SVIL: variants seen among roughly 807,000 people sequenced by gnomAD.
The protein encoded by SVIL is archvillin.
Under a neutral mutation model 240.4 loss-of-function variants are expected in SVIL, and 101 were observed. The observed-to-expected ratio is 0.42, with a 90% CI of 0.36 to 0.50. The LOEUF (loss-of-function observed/expected upper bound fraction) is 0.50, where lower values mean the gene tolerates loss of function less well. SVIL is among the 20% of genes least tolerant of loss of function. The pLI is 0.01. For missense variants in SVIL, 2,512 were observed against 2,818.7 expected, an observed-to-expected ratio of 0.89 and a Z score of 2.46; for synonymous variants, 999 against 1,100.0, an observed-to-expected ratio of 0.91 and a Z score of 1.82.
chr10:29,609,767 C>T (rs958316341), intron 1 of SVIL, among the ~76,000 whole-genome samples: 4 of 152,212 alleles, frequency 2.6e-5, no homozygotes, highest in Non-Finnish European at 4.4e-5. Context: ...CAGCAGCCAG[C>T]GTGCCTGGCT....
At chr10:29,727,380 C>T (rs1198353805) in intron 1 of SVIL, among the ~76,000 whole-genome samples, 1 of 151,980 alleles carries the variant, frequency 6.6e-6, no homozygotes, top group African/African-American at 2.4e-5. Context: ...TCTGCCTCCT[C>T]AGCCTCCCAA....
chr10:29,614,104 A>G (rs781635639), intron 1 of SVIL, among the ~76,000 whole-genome samples: 1 of 152,194 alleles, frequency 6.6e-6, no homozygotes, highest in Non-Finnish European at 1.5e-5. Flanking sequence ...ACTATACCAC[A>G]ACAGAACCTT....
chr10:29,530,722 G>A, intron 10 of SVIL, 54 bp from the exon 11 acceptor site: 4 of 1,605,826 alleles, frequency 2.5e-6, no homozygotes, highest in Non-Finnish European at 3.4e-6. Context: ...GTTAAGTTCG[G>A]TCTCCAAAAA....
chr10:29,687,148 T>C (rs1469230504), intron 1 of SVIL, among the ~76,000 whole-genome samples: 1 of 152,196 alleles, frequency 6.6e-6, no homozygotes, highest in Non-Finnish European at 1.5e-5. Context: ...GACATGCCAA[T>C]TGTAATTTTA....
chr10:29,485,001 C>A (rs1368038190), intron 26 of SVIL, among the ~76,000 whole-genome samples, 170 bp from the exon 27 acceptor site: 1 of 152,164 alleles, frequency 6.6e-6, no homozygotes, highest in African/African-American at 2.4e-5. Flanking sequence ...GGCACTGCCC[C>A]ACCGAGCCAG....
intron 1 of SVIL, among the ~76,000 whole-genome samples, chr10:29,593,495 C>G (rs1426891692): frequency 6.6e-6 from 1 of 152,202 alleles, no homozygotes; most frequent in Non-Finnish European, 1.5e-5. Context: ...CTGTCAGACT[C>G]AAGTCCTTAG....
chr10:29,516,848 T>G (rs199928740), intron 16 of SVIL, among the ~76,000 whole-genome samples: 107 of 152,260 alleles, frequency 7.0e-4, no homozygotes, highest in African/African-American at 2.0e-3. Flanking sequence ...ACCCTGCTTG[T>G]TGAGAACAAG....
chr10:29,607,602 C>G (rs956571567), intron 1 of SVIL, among the ~76,000 whole-genome samples: 2 of 152,040 alleles, frequency 1.3e-5, no homozygotes, highest in East Asian at 3.9e-4. Context: ...TACTGAATTG[C>G]ATTGTTACTG....
At position 29,504,470 on chromosome 10, in the gene SVIL, A is replaced by G. The variant is rs138672958; in HGVS notation, c.3517-5207T>C. Reference sequence around the variant, plus strand: ...TAAAGGACTACTACCCCAAATATACAAAGAACTGTTAAAACTCAACAATAT... The same window carrying G: ...TAAAGGACTACTACCCCAAATATACGAAGAACTGTTAAAACTCAACAATAT... On this transcript the variant is annotated intron_variant, in intron 17 of 37. Coordinates refer to ENST00000355867, the MANE Select transcript of SVIL (RefSeq NM_021738.3). 4.2e-3 allele frequency among the ~76,000 whole-genome samples: 641 copies of G among 152,364 alleles called. 3 individuals are homozygous for G. The highest frequency in any genetic ancestry group is 0.015 in the African/African-American group (622 of 41,592).
At chr10:29,685,633 C>G (rs1388107242) in intron 2 of SVIL, among the ~76,000 whole-genome samples, 1 of 152,192 alleles carries the variant, frequency 6.6e-6, no homozygotes, top group Non-Finnish European at 1.5e-5. Context: ...GAAATGGTAT[C>G]TCACTGTGGT....
At chr10:29,627,540 G>A (rs1957922484) in intron 1 of SVIL, among the ~76,000 whole-genome samples, 2 of 151,994 alleles carry the variant, frequency 1.3e-5, no homozygotes, top group South Asian at 4.2e-4. Flanking sequence ...TGGGGAGGTA[G>A]GTGAATGAAT....
chr10:29,716,281 A>C (rs1963605803), intron 1 of SVIL, among the ~76,000 whole-genome samples: 1 of 152,250 alleles, frequency 6.6e-6, no homozygotes, highest in South Asian at 2.1e-4. Flanking sequence ...ATTAAGATAT[A>C]ATTACATTGT....
Position 29,465,705 on chromosome 10 carries a change from C to G in SVIL, c.6023G>C (p.Ser2008Thr), listed in dbSNP as rs1412928532. 2 of 1,613,110 alleles carry G rather than the reference C, an allele frequency of 1.2e-6. No individual in the cohort carries two copies. Among genetic ancestry groups the G allele is most frequent in the African/African-American group, 2.7e-5 (2 of 74,896 alleles). Residue 2008 changes from serine (S) to threonine (T), a missense_variant, in exon 34 of 38, where the codon AGC (serine) becomes ACC (threonine). Ser to Thr is a moderately conservative substitution (Grantham distance 58). Coordinates refer to ENST00000355867, the MANE Select transcript of SVIL (RefSeq NM_021738.3). ...NFAPRLFILS[S>T]SSGDFAATEF... ...TGTGGCTGCAAAATCCCCAGAGGAG[C>G]TGCTGAGGATGAACAGGCGGGGCGC... is the stretch of plus-strand genomic sequence containing the variant.
At chr10:29,504,828 C>G (rs1949147684) in intron 17 of SVIL, among the ~76,000 whole-genome samples, 1 of 152,178 alleles carries the variant, frequency 6.6e-6, no homozygotes, top group Non-Finnish European at 1.5e-5. Context: ...CCGTATGATA[C>G]AGCAATCATG....
At position 29,467,721 on chromosome 10, in the gene SVIL, AG is replaced by A; in HGVS notation, c.5977+20del. On this transcript the variant is annotated intron_variant, in intron 33 of 37. Transcript: ENST00000355867. Reference sequence around the variant, plus strand: ...AAAACAAACAAAAAAACCAGATCGCAGACTGTGGATGCCACATTACCTTGAA... The same window carrying A: ...AAAACAAACAAAAAAACCAGATCGCAACTGTGGATGCCACATTACCTTGAA... 6.2e-7 allele frequency: 1 copy of A among 1,613,612 alleles called. No homozygotes were observed. Among genetic ancestry groups the A allele is most frequent in the Non-Finnish European group, 8.5e-7 (1 of 1,179,744 alleles).
chr10:29,639,997 G>T (rs1054947316), intron 3 of SVIL, among the ~76,000 whole-genome samples: 3 of 152,152 alleles, frequency 2.0e-5, no homozygotes, highest in African/African-American at 7.2e-5. Context: ...CTTCTTTTCA[G>T]TTCGTTGACG....
chr10:29,646,988 T>C (rs2058264922), intron 3 of SVIL, among the ~76,000 whole-genome samples: 1 of 152,224 alleles, frequency 6.6e-6, no homozygotes. Context: ...GCTTAAACTC[T>C]GAAGCTTACT....
chr10:29,708,606 G>A (rs1433535522), intron 1 of SVIL, among the ~76,000 whole-genome samples: 13 of 152,190 alleles, frequency 8.5e-5, no homozygotes, highest in Admixed American at 6.5e-4. Context: ...GGGCAACTCC[G>A]TCTCAAAAAA....
intron 3 of SVIL, among the ~76,000 whole-genome samples, chr10:29,556,509 T>G (rs867077711): frequency 6.6e-6 from 1 of 152,232 alleles, no homozygotes; most frequent in African/African-American, 2.4e-5. Context: ...AGCCTTGTTT[T>G]TCTTCATTTA....
Sources: gnomAD v4.1 joint callset for allele counts (sites outside exome capture counted in the v4.1 genomes callset) on GRCh38, gnomAD v4.1.1 for gene constraint, MANE v1.5 for transcripts, NCBI Gene and HGNC (gene_info 2026-07-23, HGNC 2026-07-21) for gene names.